FBXO31: variants seen among roughly 807,000 people sequenced by gnomAD.
FBXO31 encodes F-box protein 31.
In FBXO31, 24 loss-of-function variants were observed where a neutral mutation model predicts 54.4. The ratio of observed to expected loss-of-function variants is 0.44; its 90% CI spans 0.32 to 0.62. FBXO31 has a LOEUF of 0.62. Among genes scored for constraint, FBXO31 ranks in the 20% least tolerant of loss-of-function variants. The probability of loss-of-function intolerance (pLI) is 0.05; values close to 1 mark genes in which losing one functional copy is unlikely to be tolerated. For synonymous variants in FBXO31, 388 were observed against 335.6 expected, an observed-to-expected ratio of 1.16 and a Z score of -1.71; for missense variants, 665 against 787.1, an observed-to-expected ratio of 0.84 and a Z score of 1.86.
At chr16:87,343,273 A>C (rs1457363958) in intron 4 of FBXO31, among the ~76,000 whole-genome samples, 1 of 152,280 alleles carries the variant, frequency 6.6e-6, no homozygotes, top group East Asian at 1.9e-4. Flanking sequence ...GGCCACTGCC[A>C]GACCAGATCA....
chr16:87,372,205 C>G (rs773060367), intron 1 of FBXO31, among the ~76,000 whole-genome samples: 10 of 152,102 alleles, frequency 6.6e-5, no homozygotes, highest in Non-Finnish European at 1.5e-4. Flanking sequence ...GTCTAGGCAA[C>G]AGAGTAGGGA....
rs1447849122 is a variant in FBXO31, at chr16:87,334,298, G to A, written c.997-12C>T. On this transcript the variant is annotated splice_polypyrimidine_tract_variant and intron_variant, in intron 7 of 8. Coordinates refer to ENST00000311635, the MANE Select transcript of FBXO31 (RefSeq NM_024735.5). ...ATGTTGGGGTCGCCCTGTGGAGCAGGTGGCAGTCAGCAGGGCTCAGGCCAG... is the reference window on the plus strand; with the variant it reads ...ATGTTGGGGTCGCCCTGTGGAGCAGATGGCAGTCAGCAGGGCTCAGGCCAG... The A allele has an allele frequency of 7.7e-6, 12 of 1,556,654 alleles. No homozygotes were observed. The highest frequency in any genetic ancestry group is 1.2e-5 in the South Asian group (1 of 81,544).
At chr16:87,377,771 G>C (rs929067986) in intron 1 of FBXO31, among the ~76,000 whole-genome samples, 1 of 151,694 alleles carries the variant, frequency 6.6e-6, no homozygotes, top group Non-Finnish European at 1.5e-5. Context: ...TGAGGCTGTA[G>C]TGAGCTGTGA....
chr16:87,387,676 G>A (rs1236149560), upstream of FBXO31, among the ~76,000 whole-genome samples: 8 of 152,170 alleles, frequency 5.3e-5, no homozygotes, highest in African/African-American at 9.7e-5. Context: ...GCGTGTTGGC[G>A]GGCGCCTATA....
At chr16:87,334,640 C>T (rs1318268250) in intron 7 of FBXO31, among the ~76,000 whole-genome samples, 2 of 152,252 alleles carry the variant, frequency 1.3e-5, no homozygotes, top group South Asian at 2.1e-4. Context: ...CCCAAAACTC[C>T]GTGAGGAGTC....
In FBXO31 at chr16:87,331,306, A is replaced by C. The variant is rs1904846743; in HGVS notation, c.1602T>G (p.Ile534Met). Residue 534 changes from isoleucine (I) to methionine (M), a missense_variant, in exon 9 of 9, where the codon ATT becomes ATG. Physicochemically the swap from Ile to Met is conservative, Grantham distance 10 (BLOSUM62 1). This residue lies in a region of FBXO31 where 71 missense variants were observed against 105.8 expected (regional missense o/e 0.67). Transcript: ENST00000311635. ...PQAFDEMLKNIQSLTS is the reference protein window; with the variant it reads ...PQAFDEMLKNMQSLTS Reference sequence around the variant, plus strand: ...TGGCCGGTCAGGAGGTGAGGGACTGAATGTTCTTGAGCATCTCATCGAAGG... The same window carrying C: ...TGGCCGGTCAGGAGGTGAGGGACTGCATGTTCTTGAGCATCTCATCGAAGG... 5.6e-6 allele frequency: 9 copies of C among 1,613,836 alleles called. No individual in the cohort carries two copies. The highest frequency in any genetic ancestry group is 6.8e-6 in the Non-Finnish European group (8 of 1,179,968).
intron 5 of FBXO31, among the ~76,000 whole-genome samples, chr16:87,340,006 G>A (rs1905141958): frequency 6.6e-6 from 1 of 152,232 alleles, no homozygotes; most frequent in African/African-American, 2.4e-5. Flanking sequence ...AATTCGGCCG[G>A]GCGCGGTGGC....
intron 2 of FBXO31, among the ~76,000 whole-genome samples, chr16:87,352,369 A>G (rs756840169): frequency 6.6e-6 from 1 of 152,176 alleles, no homozygotes; most frequent in Non-Finnish European, 1.5e-5. Context: ...CTCTTACTAA[A>G]TGTTGTTTTA....
chr16:87,384,036 C>A (rs750215742), upstream of FBXO31: 1 of 185,502 alleles, frequency 5.4e-6, no homozygotes, highest in Non-Finnish European at 1.1e-5. Context: ...CCGTGTGAGG[C>A]TCGAACTCAC....
In FBXO31 at chr16:87,358,520, G is replaced by A. The variant is rs1468298443; in HGVS notation, c.412+1775C>T. On this transcript the variant is annotated intron_variant, in intron 2 of 8. Transcript: ENST00000311635. The surrounding 1 kb of genome is among the most constrained non-coding windows in gnomAD (Gnocchi z 4.0). ...TACCTGAACAGACACAGCAGGGAAA[G>A]GGCTAAGGATGGCTCCCTTTACAGG... 1 of 152,712 alleles carries A rather than the reference G, an allele frequency of 6.5e-6. No homozygotes were observed. Among genetic ancestry groups the A allele is most frequent in the African/African-American group, 2.4e-5 (1 of 41,470 alleles). 9.5% of individuals were successfully genotyped at this position (152,712 alleles called of 1,614,324 possible).
intron 5 of FBXO31, among the ~76,000 whole-genome samples, chr16:87,340,018 C>T (rs549375305): frequency 1.6e-4 from 25 of 152,326 alleles, no homozygotes; most frequent in Middle Eastern, 3.4e-3. Context: ...CGCGGTGGCT[C>T]GCGCCTGTAA....
Position 87,343,589 on chromosome 16 carries a change from T to C in FBXO31, c.657+9A>G. On this transcript the variant is annotated intron_variant, in intron 4 of 8. Coordinates refer to ENST00000311635, the MANE Select transcript of FBXO31 (RefSeq NM_024735.5). ...GACAGTGAGGACCCAGCCCCGCCGC[T>C]GCACACACCTGGATGTGGCCGTGGT... The C allele has an allele frequency of 6.3e-7, 1 of 1,599,698 alleles. No homozygotes were observed. The highest frequency in any genetic ancestry group is 8.5e-7 in the Non-Finnish European group (1 of 1,173,446).
At chr16:87,343,496 T>C in intron 4 of FBXO31, 102 bp downstream of exon 4, 1 of 1,414,228 alleles carries the variant, frequency 7.1e-7, no homozygotes. Context: ...GCCGATCTGC[T>C]ACAGCCCAGG....
rs780050895 is a variant in FBXO31 at position 87,383,628 on chromosome 16, G to T, written c.117C>A (p.Pro39=). Residue 39 remains proline (P), a synonymous_variant, in exon 1 of 9, where the codon CCC becomes CCA. Transcript: ENST00000311635. The surrounding 1 kb of genome is among the most constrained non-coding windows in gnomAD (Gnocchi z 4.9). ...AAADSEPDTD[P]EEERIEASAG... ...CGCTAGCCTCGATGCGCTCCTCCTC[G>T]GGGTCTGTGTCCGGCTCGCTGTCGG... 3 of 1,437,280 alleles carry T rather than the reference G, an allele frequency of 2.1e-6. No homozygotes were observed. In the South Asian group the frequency reaches 4.2e-5, roughly 20 times the overall value. 89.0% of individuals were successfully genotyped at this position (1,437,280 alleles called of 1,614,324 possible).
chr16:87,353,441 T>C (rs2150681406), intron 2 of FBXO31, among the ~76,000 whole-genome samples: 1 of 152,314 alleles, frequency 6.6e-6, no homozygotes, highest in Admixed American at 6.5e-5. Context: ...CAAGATGTAA[T>C]GTAGCCGTGA....
intron 1 of FBXO31, among the ~76,000 whole-genome samples, chr16:87,363,551 A>T (rs975708367): frequency 2.0e-5 from 3 of 152,230 alleles, no homozygotes; most frequent in Admixed American, 6.5e-5. Context: ...ATAATAATGA[A>T]GAAAATTCAG....
rs1341172422 is a variant in FBXO31 at position 87,335,476 on chromosome 16, T to A, written c.843-19A>T. On this transcript the variant is annotated intron_variant, in intron 6 of 8. Coordinates refer to ENST00000311635, the MANE Select transcript of FBXO31 (RefSeq NM_024735.5). This position sits in a 1 kb window ranked among gnomAD's most constrained non-coding sequence, Gnocchi z 5.7. ...GCAGTTGCTGTGGGGAGCGGACGGG[T>A]CAGTACAGGAGACCTCGTGGGGCAG... 1.3e-6 allele frequency: 2 copies of A among 1,586,662 alleles called. No individual in the cohort carries two copies. The highest frequency in any genetic ancestry group is 1.7e-6 in the Non-Finnish European group (2 of 1,165,814).
intron 1 of FBXO31, among the ~76,000 whole-genome samples, chr16:87,380,911 T>C (rs555099277): frequency 4.3e-4 from 65 of 152,366 alleles, no homozygotes; most frequent in African/African-American, 1.5e-3. Flanking sequence ...TTCTACAGTA[T>C]ACCTTTGAAT....
intron 2 of FBXO31, among the ~76,000 whole-genome samples, chr16:87,357,928 A>G (rs1185029590): frequency 6.6e-6 from 1 of 151,142 alleles, no homozygotes; most frequent in Non-Finnish European, 1.5e-5. Context: ...AAAAAAAAAA[A>G]GGAGTCAACT....
Sources: allele counts gnomAD v4.1 joint callset (sites outside exome capture counted in the v4.1 genomes callset), GRCh38; gene constraint gnomAD v4.1.1; regional missense constraint gnomAD v4.1.1; non-coding constraint Gnocchi (gnomAD v3.1); transcripts MANE v1.5; gene names NCBI Gene and HGNC (gene_info 2026-07-23, HGNC 2026-07-21).